Variants in FNBP4 observed in about 807,000 individuals in gnomAD.
FNBP4 encodes the protein formin-binding protein 4.
FNBP4 carries 34 observed loss-of-function variants against 119.3 expected under a neutral mutation model. The observed-to-expected ratio is 0.28, with a 90% CI of 0.22 to 0.38. FNBP4 has a LOEUF of 0.38. Ranked by LOEUF, FNBP4 falls within the 10% of genes least tolerant of loss-of-function variation. The pLI is 1.00. For missense variants in FNBP4, 1,112 were observed against 1,228.9 expected (o/e 0.90, Z 1.42); for synonymous variants, 462 against 430.6 (o/e 1.07, Z -0.90).
Position 47,717,375 on chromosome 11 carries a change from G to A in FNBP4, c.*47C>T, listed in dbSNP as rs779659832. 3.8e-5 allele frequency: 50 copies of A among 1,306,400 alleles called. No individual in the cohort carries two copies. The highest frequency in any genetic ancestry group is 2.2e-6 in the Non-Finnish European group (2 of 917,660). The allele number at this position is 1,306,400 out of a possible 1,614,324, so 80.9% of individuals were successfully genotyped here. ...ATAAAACTGGTTAAGACTTTGAACT[G>A]AACACAAAACAAACAATAATACAAA... On this transcript the variant is annotated 3_prime_UTR_variant, in exon 17 of 17. Transcript: ENST00000263773.
chr11:47,764,572 T>C (rs987393677), intron 2 of FNBP4, among the ~76,000 whole-genome samples: 1 of 151,664 alleles, frequency 6.6e-6, no homozygotes, highest in Non-Finnish European at 1.5e-5. Flanking sequence ...GGAATAAGCA[T>C]CTATCATTTT....
rs56659957 is a variant in FNBP4 at position 47,762,906 on chromosome 11, CAAAAAAAAAAA to C, written c.313+2353_313+2363del. 1.6e-4 allele frequency among the ~76,000 whole-genome samples: 16 copies of C among 100,656 alleles called. 1 individual carries two copies. The highest frequency in any genetic ancestry group is 4.4e-4 in the African/African-American group (15 of 33,808). The allele number at this position is 100,656 out of a possible 152,430, so 66.0% of individuals were successfully genotyped here. Reference sequence around the variant, plus strand: ...GCCTGGGCAACAGAGACTCTGATTCCAAAAAAAAAAAAAAAAAAAAAGAGTCTCTCTGCTGC... The same window carrying C: ...GCCTGGGCAACAGAGACTCTGATTCCAAAAAAAAAAGAGTCTCTCTGCTGC... On this transcript the variant is annotated intron_variant, in intron 2 of 16. Transcript: ENST00000263773.
At chr11:47,750,688 C>CAAAAAAAAAAAAAAAAAA (rs67153479) in intron 6 of FNBP4, among the ~76,000 whole-genome samples, 9 of 68,068 alleles carry the variant, frequency 1.3e-4, no homozygotes, top group African/African-American at 3.2e-4. Context: ...GACTCTGTCT[C>CAAAAAAAAAAAAAAAAAA]AAAAAAAAAA....
At chr11:47,752,887 T>G in intron 4 of FNBP4, 29 bp downstream of exon 4, 1 of 1,577,666 alleles carries the variant, frequency 6.3e-7, no homozygotes, top group Non-Finnish European at 8.6e-7. Context: ...GATTTTACTT[T>G]TCTTTAAAAA....
chr11:47,745,934 A>C (rs1231342411), intron 7 of FNBP4, 122 bp downstream of exon 7: 1 of 840,972 alleles, frequency 1.2e-6, no homozygotes, highest in African/African-American at 1.7e-5. Context: ...ATAAGCTTCA[A>C]CATACCTAGA....
chr11:47,738,909 T>C (rs990606170), intron 8 of FNBP4, among the ~76,000 whole-genome samples: 6 of 147,822 alleles, frequency 4.1e-5, no homozygotes, highest in African/African-American at 1.5e-4. Context: ...TTTGCCATGT[T>C]GGCCTGGCTG....
At position 47,767,284 on chromosome 11, in the gene FNBP4, C is replaced by G; in HGVS notation, c.5G>C (p.Gly2Ala). 1 of 1,520,976 alleles carries G rather than the reference C, an allele frequency of 6.6e-7. No homozygotes were observed. Among genetic ancestry groups the G allele is most frequent in the Non-Finnish European group, 8.8e-7 (1 of 1,141,662 alleles). The allele number at this position is 1,520,976 out of a possible 1,614,324, so 94.2% of individuals were successfully genotyped here. Residue 2 changes from glycine (G) to alanine (A), a missense_variant, in exon 1 of 17, where the codon GGG (glycine) becomes GCG (alanine). Physicochemically the swap from Gly to Ala is moderately conservative, Grantham distance 60. Transcript: ENST00000263773. ...GCCGGGTACCGCCCGGGACTTCTTCCCCATCGCGAGCCCAAGCGCGAGCAG... is the reference window on the plus strand; with the variant it reads ...GCCGGGTACCGCCCGGGACTTCTTCGCCATCGCGAGCCCAAGCGCGAGCAG... The part of the protein sequence containing the change: M[G>A]KKSRAVPGRR...
At chr11:47,740,900 T>G (rs1455043869) in intron 8 of FNBP4, among the ~76,000 whole-genome samples, 1 of 150,302 alleles carries the variant, frequency 6.7e-6, no homozygotes, top group Admixed American at 6.6e-5. Flanking sequence ...ACATTTTTTT[T>G]GTGTGTGTGA....
At chr11:47,743,308 C>G (rs1481976213) in intron 8 of FNBP4, among the ~76,000 whole-genome samples, 1 of 152,064 alleles carries the variant, frequency 6.6e-6, no homozygotes, top group Non-Finnish European at 1.5e-5. Flanking sequence ...CATGGCGAAA[C>G]TCCGTCTCTA....
At chr11:47,760,177 A>T (rs2097630313) in intron 2 of FNBP4, among the ~76,000 whole-genome samples, 1 of 152,066 alleles carries the variant, frequency 6.6e-6, no homozygotes, top group African/African-American at 2.4e-5. Flanking sequence ...TCCTAAAAAC[A>T]TAATAAATTA....
At chr11:47,766,113 T>G (rs1230877584) in intron 1 of FNBP4, among the ~76,000 whole-genome samples, 1 of 151,598 alleles carries the variant, frequency 6.6e-6, no homozygotes, top group Admixed American at 6.6e-5. Flanking sequence ...AGCCCTGGAG[T>G]TCGAGACCAG....
At position 47,746,064 on chromosome 11, in the gene FNBP4, T is replaced by G. The variant is rs1173945972; in HGVS notation, c.1237A>C (p.Arg413=). ...DTLELELVLE[R]KKAELRALEE... ...AACTTTCAAAAGCTTACTTTTTTCC[T>G]TTCCAAAACTAGCTCCAGTTCAAGG... Residue 413 remains arginine (R), a synonymous_variant, in exon 7 of 17, where the codon AGG becomes CGG. Transcript: ENST00000263773. 4 of 1,594,324 alleles carry G rather than the reference T, an allele frequency of 2.5e-6. No individual in the cohort carries two copies. The highest frequency in any genetic ancestry group is 3.4e-6 in the Non-Finnish European group (4 of 1,174,340).
intron 2 of FNBP4, among the ~76,000 whole-genome samples, chr11:47,762,140 T>TG (rs1799011402): frequency 6.7e-6 from 1 of 148,998 alleles, no homozygotes; most frequent in Admixed American, 6.7e-5. Flanking sequence ...GTCTGGCTGT[T>TG]TTTTTTTTTT....
chr11:47,722,705 C>T (rs2097557192), intron 15 of FNBP4, among the ~76,000 whole-genome samples: 1 of 152,124 alleles, frequency 6.6e-6, no homozygotes, highest in Non-Finnish European at 1.5e-5. Context: ...ATTCTCCTGC[C>T]TCAGCCTCCC....
chr11:47,765,467 C>T (rs2097645433), intron 1 of FNBP4, 105 bp from the exon 2 acceptor site: 3 of 782,622 alleles, frequency 3.8e-6, no homozygotes, highest in Admixed American at 2.7e-5. Flanking sequence ...GACAAACCAA[C>T]CTTTGATTTA....
intron 10 of FNBP4, among the ~76,000 whole-genome samples, chr11:47,733,390 G>A (rs1349415250): frequency 3.3e-5 from 5 of 151,726 alleles, no homozygotes; most frequent in African/African-American, 1.2e-4. Flanking sequence ...CCAGGCTAGA[G>A]TACAGTGGAG....
intron 9 of FNBP4, among the ~76,000 whole-genome samples, chr11:47,736,342 C>A (rs114345485): frequency 2.0e-4 from 30 of 151,622 alleles, no homozygotes; most frequent in Admixed American, 4.6e-4. Flanking sequence ...GAATCATGAA[C>A]GCCAGGAGTT....
chr11:47,741,676 C>T (rs902292638), intron 8 of FNBP4, among the ~76,000 whole-genome samples: 4 of 151,954 alleles, frequency 2.6e-5, no homozygotes, highest in African/African-American at 9.7e-5. Context: ...ATTAGTCAGG[C>T]GCAGTGGCAG....
rs750151579 is a variant in FNBP4 at position 47,746,284 on chromosome 11, CTCT to C, written c.1014_1016del (p.Glu339del). On this transcript the variant is annotated inframe_deletion, in exon 7 of 17. Coordinates refer to ENST00000263773, the MANE Select transcript of FNBP4 (RefSeq NM_015308.5). ...TACAAATTACTTTTCTTCTCCATCT[CTCT>C]TCTTCTTCTTTTATTCCCTCAGGCA... 1.1e-5 allele frequency: 18 copies of C among 1,613,920 alleles called. No individual in the cohort carries two copies. Among genetic ancestry groups the C allele is most frequent in the Admixed American group, 1.7e-5 (1 of 59,990 alleles).
Sources: allele counts gnomAD v4.1 joint callset (sites outside exome capture counted in the v4.1 genomes callset), GRCh38; gene constraint gnomAD v4.1.1; transcripts MANE v1.5; gene names NCBI Gene and HGNC (gene_info 2026-07-23, HGNC 2026-07-21).